Variants in RTN4RL1 observed in about 807,000 individuals in gnomAD.
RTN4RL1 encodes reticulon 4 receptor like 1, also known as reticulon-4 receptor-like 1.
RTN4RL1 carries 7 observed loss-of-function variants against 25.6 expected under a neutral mutation model. The observed-to-expected ratio is 0.27, with a 90% confidence interval of 0.16 to 0.51. RTN4RL1 has a LOEUF of 0.51. RTN4RL1 is among the 20% of genes least tolerant of loss of function. The probability of loss-of-function intolerance (pLI) is 0.97; values close to 1 mark genes in which losing one functional copy is unlikely to be tolerated. For synonymous variants in RTN4RL1, 297 were observed against 288.2 expected, an observed-to-expected ratio of 1.03 and a Z score of -0.31; for missense variants, 500 against 615.6, an observed-to-expected ratio of 0.81 and a Z score of 1.99.
chr17:2,006,989 G>C (rs1055635287), intron 1 of RTN4RL1, among the ~76,000 whole-genome samples: 1 of 152,028 alleles, frequency 6.6e-6, no homozygotes, highest in Non-Finnish European at 1.5e-5. Flanking sequence ...TGGGGTCCTG[G>C]AAAGATGAAG....
chr17:2,017,788 G>C (rs1051233798), intron 1 of RTN4RL1: 1 of 152,340 alleles, frequency 6.6e-6, no homozygotes, highest in South Asian at 2.1e-4. Flanking sequence ...GATAGCAGGG[G>C]CTGTTTGCAG....
At chr17:1,952,344 T>TGC (rs1915702765) in intron 1 of RTN4RL1, among the ~76,000 whole-genome samples, 1 of 148,240 alleles carries the variant, frequency 6.7e-6, no homozygotes, top group Non-Finnish European at 1.5e-5. Flanking sequence ...TTTTTTTTTT[T>TGC]TTTTTTTTTT....
chr17:1,960,564 A>T (rs1915874277), intron 1 of RTN4RL1, among the ~76,000 whole-genome samples: 1 of 152,200 alleles, frequency 6.6e-6, no homozygotes, highest in Admixed American at 6.5e-5. Flanking sequence ...ACACATTTTT[A>T]TTACAAATAA....
At chr17:2,001,776 C>G (rs1477268529) in intron 1 of RTN4RL1, among the ~76,000 whole-genome samples, 3 of 152,166 alleles carry the variant, frequency 2.0e-5, no homozygotes, top group Non-Finnish European at 2.9e-5. Flanking sequence ...CAGTGGAGAG[C>G]TGGGCCGGGC....
Position 1,955,676 on chromosome 17 carries a change from C to T in RTN4RL1, c.14-17868G>A, listed in dbSNP as rs545535128. ...TCGGCTCACTGCAACCTCCACCTCCCGGGTTCAAGCGATTCTCCCATCTCA... is the reference window on the plus strand; with the variant it reads ...TCGGCTCACTGCAACCTCCACCTCCTGGGTTCAAGCGATTCTCCCATCTCA... On this transcript the variant is annotated intron_variant, in intron 1 of 1. Transcript: ENST00000331238. Among the ~76,000 whole-genome samples, 554 of 151,870 alleles carry T rather than the reference C, an allele frequency of 3.6e-3. 4 individuals are homozygous for T. Among genetic ancestry groups the T allele is most frequent in the African/African-American group, 0.013 (526 of 41,462 alleles).
chr17:1,992,358 C>CAA (rs1021180493), intron 1 of RTN4RL1, among the ~76,000 whole-genome samples: 10 of 53,158 alleles, frequency 1.9e-4, no homozygotes, highest in South Asian at 6.3e-4. Flanking sequence ...GACTCTGTCT[C>CAA]AAAAAAAAAA....
intron 1 of RTN4RL1, among the ~76,000 whole-genome samples, chr17:1,951,173 G>A (rs1169816439): frequency 1.3e-5 from 2 of 151,702 alleles, no homozygotes; most frequent in Non-Finnish European, 2.9e-5. Flanking sequence ...GCTGAGGCAG[G>A]AGAATGGCAT....
intron 1 of RTN4RL1, among the ~76,000 whole-genome samples, chr17:1,955,652 C>T (rs12945222): frequency 7.3e-5 from 11 of 151,654 alleles, no homozygotes; most frequent in Non-Finnish European, 1.5e-4. Context: ...GGCGCGATCT[C>T]GGCTCACTGC....
intron 1 of RTN4RL1, chr17:2,019,918 T>C (rs1197207092): frequency 6.6e-6 from 1 of 152,258 alleles, no homozygotes; most frequent in African/African-American, 2.4e-5. Flanking sequence ...AACATCCCTC[T>C]GCTGTCCTTG....
intron 1 of RTN4RL1, among the ~76,000 whole-genome samples, chr17:1,987,224 G>A (rs1053983500): frequency 6.6e-6 from 1 of 152,060 alleles, no homozygotes; most frequent in African/African-American, 2.4e-5. Context: ...CGCCATGATA[G>A]AGCCAGCTCA....
In RTN4RL1 at chr17:1,975,825, G is replaced by A. The variant is rs1288536578; in HGVS notation, c.14-38017C>T. ...ATTCTGACACAGTTTCTTTCAAGACGATCTACCTCACGGGTGTGCGAAATT... is the reference window on the plus strand; with the variant it reads ...ATTCTGACACAGTTTCTTTCAAGACAATCTACCTCACGGGTGTGCGAAATT... On this transcript the variant is annotated intron_variant, in intron 1 of 1. Transcript: ENST00000331238. Among the ~76,000 whole-genome samples, 5 of 152,048 alleles carry A rather than the reference G, an allele frequency of 3.3e-5. No homozygotes were observed. The South Asian group carries it at 1.0e-3, about 32-fold the overall frequency.
At chr17:2,016,646 G>A (rs891638119) in intron 1 of RTN4RL1, among the ~76,000 whole-genome samples, 1 of 152,248 alleles carries the variant, frequency 6.6e-6, no homozygotes, top group African/African-American at 2.4e-5. Flanking sequence ...GGCAGCGTGT[G>A]ATGAGAGACA....
intron 1 of RTN4RL1, among the ~76,000 whole-genome samples, chr17:1,961,491 T>C (rs1484074155): frequency 6.6e-6 from 1 of 152,054 alleles, no homozygotes; most frequent in Non-Finnish European, 1.5e-5. Context: ...AGAGAGAACA[T>C]TTAACACAGG....
chr17:1,982,813 G>T (rs1482799544), intron 1 of RTN4RL1, among the ~76,000 whole-genome samples: 1 of 152,192 alleles, frequency 6.6e-6, no homozygotes, highest in Non-Finnish European at 1.5e-5. Context: ...TGACCCAGAG[G>T]AAGGAGGAAT....
intron 1 of RTN4RL1, among the ~76,000 whole-genome samples, chr17:2,012,871 G>A (rs146176795): frequency 0.011 from 1,648 of 150,906 alleles, 36 homozygotes; most frequent in African/African-American, 0.038. Flanking sequence ...TCGGCTCACC[G>A]CAACTTCCAC....
intron 1 of RTN4RL1, among the ~76,000 whole-genome samples, chr17:2,002,271 CTT>C (rs936262613): frequency 6.1e-5 from 9 of 146,872 alleles, no homozygotes; most frequent in East Asian, 2.1e-4. Flanking sequence ...TTCTTTCTCT[CTT>C]TCTCTTTTTT....
rs1915325606 is a variant in RTN4RL1 at position 1,937,147 on chromosome 17, G to A, written c.675C>T (p.Thr225=). The part of the protein sequence containing the change: ...KAFHDLRRLT[T]LFLFNNSLSE... ...AGAGGCTGTTGTTGAAGAGGAAGAG[G>A]GTGGTCAGCCTGCGGAGGTCGTGGA... The change falls in exon 2 of 2, where the codon ACC becomes ACT. Residue 225 remains threonine, a synonymous_variant. Coordinates refer to ENST00000331238, the MANE Select transcript of RTN4RL1 (RefSeq NM_178568.4). 1 of 1,611,800 alleles carries A rather than the reference G, an allele frequency of 6.2e-7. No homozygotes were observed. Among genetic ancestry groups the A allele is most frequent in the South Asian group, 1.1e-5 (1 of 90,920 alleles).
At position 1,935,532 on chromosome 17, in the gene RTN4RL1, A is replaced by T; in HGVS notation, c.*964T>A. ...CTTGCCCCAGGCCCTTGGCAAGGCC[A>T]GGTCCCTTGGAGACTATCGTTGCCA... is the stretch of plus-strand genomic sequence containing the variant. On this transcript the variant is annotated 3_prime_UTR_variant, in exon 2 of 2. Transcript: ENST00000331238. 2 of 985,552 alleles carry T rather than the reference A, an allele frequency of 2.0e-6. No individual in the cohort carries two copies. Among genetic ancestry groups the T allele is most frequent in the Non-Finnish European group, 2.4e-6 (2 of 829,794 alleles). 61.1% of individuals were successfully genotyped at this position (985,552 alleles called of 1,614,324 possible).
intron 1 of RTN4RL1, among the ~76,000 whole-genome samples, chr17:1,942,253 T>C (rs1915453107): frequency 6.6e-6 from 1 of 152,176 alleles, no homozygotes; most frequent in African/African-American, 2.4e-5. Flanking sequence ...CCCACATGCC[T>C]GAGCTCACCC....
Sources: allele counts gnomAD v4.1 joint callset (sites outside exome capture counted in the v4.1 genomes callset), GRCh38; gene constraint gnomAD v4.1.1; transcripts MANE v1.5; gene names NCBI Gene and HGNC (gene_info 2026-07-23, HGNC 2026-07-21).